Variants in TRPM3 observed in about 807,000 individuals in gnomAD.
TRPM3 encodes the protein long transient receptor potential channel 3.
In TRPM3, 77 loss-of-function variants were observed where a neutral mutation model predicts 181.2. That is an observed-to-expected ratio of 0.42 (90% CI 0.35 to 0.51). The LOEUF is 0.51. Ranked by LOEUF, TRPM3 falls within the 20% of genes least tolerant of loss-of-function variation. The pLI is 0.01. For missense variants in TRPM3, 1,759 were observed against 2,196.7 expected (o/e 0.80, Z 3.98); for synonymous variants, 745 against 796.4 (o/e 0.94, Z 1.09).
In TRPM3 at chr9:71,277,285, C is replaced by G. The variant is rs2084289699; in HGVS notation, c.183+169368G>C. 1.3e-5 allele frequency among the ~76,000 whole-genome samples: 2 copies of G among 152,164 alleles called. 1 individual carries two copies. Among genetic ancestry groups the G allele is most frequent in the East Asian group, 3.8e-4 (2 of 5,202 alleles). On this transcript the variant is annotated intron_variant, in intron 1 of 24. Coordinates refer to the TRPM3 transcript ENST00000357533. Reference sequence around the variant, plus strand: ...ACCACCCTCACGTGCTCAAGCTTGTCTGAAATGGGAATAGTAAATGTATTT... The same window carrying G: ...ACCACCCTCACGTGCTCAAGCTTGTGTGAAATGGGAATAGTAAATGTATTT...
At chr9:70,777,955 ATTAAT>A in intron 7 of TRPM3, among the ~76,000 whole-genome samples, 1 of 150,948 alleles carries the variant, frequency 6.6e-6, no homozygotes, top group South Asian at 2.1e-4. Flanking sequence ...ATCTTATTGG[ATTAAT>A]TTTATTAGTG....
intron 21 of TRPM3, 104 bp downstream of exon 21, chr9:70,598,315 C>A: frequency 6.9e-7 from 1 of 1,457,134 alleles, no homozygotes; most frequent in Non-Finnish European, 9.3e-7. Flanking sequence ...AGGGCCATCT[C>A]ATTTAGACTT....
chr9:70,768,599 CTT>C (rs72538866), intron 7 of TRPM3, among the ~76,000 whole-genome samples: 1 of 148,784 alleles, frequency 6.7e-6, no homozygotes, highest in Non-Finnish European at 1.5e-5. Context: ...ACTATCTTTT[CTT>C]TTTTTTTTTA....
intron 1 of TRPM3, among the ~76,000 whole-genome samples, chr9:70,969,903 ACAGT>A (rs1449382705): frequency 2.6e-5 from 4 of 151,888 alleles, no homozygotes; most frequent in Non-Finnish European, 5.9e-5. Context: ...CCCAGGTCAT[ACAGT>A]CAGTATGTGG....
intron 1 of TRPM3, among the ~76,000 whole-genome samples, chr9:70,883,879 A>G (rs928778463): frequency 5.9e-5 from 9 of 152,198 alleles, no homozygotes; most frequent in African/African-American, 2.2e-4. Flanking sequence ...GGTGGCTTCT[A>G]AGGTAGAGTA....
intron 6 of TRPM3, among the ~76,000 whole-genome samples, chr9:70,796,028 A>G (rs978826002): frequency 6.6e-6 from 1 of 151,834 alleles, no homozygotes; most frequent in African/African-American, 2.4e-5. Context: ...CTACAAGAAA[A>G]CTCTCCCAAA....
At chr9:70,869,104 A>G (rs1465695419) in intron 1 of TRPM3, 10 of 933,248 alleles carry the variant, frequency 1.1e-5, no homozygotes, top group Non-Finnish European at 1.0e-5. Flanking sequence ...CGCCCACTGG[A>G]AAAAAAAAGT....
At chr9:71,362,174 G>T (rs7857907) in intron 1 of TRPM3, among the ~76,000 whole-genome samples, 1 of 152,174 alleles carries the variant, frequency 6.6e-6, no homozygotes, top group Non-Finnish European at 1.5e-5. Flanking sequence ...TTCAGGCAGG[G>T]TTCCCCTATC....
Position 70,531,308 on chromosome 9 carries a change from T to C in TRPM3, c.*4645A>G, listed in dbSNP as rs2040840260. On this transcript the variant is annotated 3_prime_UTR_variant, in exon 26 of 26. Transcript: ENST00000677713. ...AGTGCTTAAAAAAAAGATTTAAAAA[T>C]CCCTTGGTTACTTTTTTTTTGTTTT... The C allele has an allele frequency of 6.6e-6, 1 of 152,174 alleles. No homozygotes were observed. The highest frequency in any genetic ancestry group is 2.1e-4 in the South Asian group (1 of 4,824). The allele number at this position is 152,174 out of a possible 1,614,324, so 9.4% of individuals were successfully genotyped here.
chr9:70,871,561 C>T (rs1031689026), intron 1 of TRPM3, among the ~76,000 whole-genome samples: 5 of 151,942 alleles, frequency 3.3e-5, no homozygotes, highest in African/African-American at 1.2e-4. Context: ...AAAAGGAAGT[C>T]CCAGGTGAGC....
At chr9:70,750,701 T>C (rs796812441) in intron 8 of TRPM3, among the ~76,000 whole-genome samples, 3 of 152,246 alleles carry the variant, frequency 2.0e-5, no homozygotes, top group African/African-American at 7.2e-5. Context: ...ATAGGGGAAC[T>C]GAAGCTTTCA....
At chr9:70,576,303 T>C (rs1315509594) in intron 22 of TRPM3, among the ~76,000 whole-genome samples, 1 of 152,192 alleles carries the variant, frequency 6.6e-6, no homozygotes, top group Non-Finnish European at 1.5e-5. Context: ...GGTGATTCTC[T>C]ATCTTCCTGA....
At chr9:71,003,301 T>C (rs1205352509) in intron 1 of TRPM3, among the ~76,000 whole-genome samples, 7 of 152,118 alleles carry the variant, frequency 4.6e-5, no homozygotes, top group South Asian at 2.1e-4. Context: ...TGGCACTTTA[T>C]TGTGCAAAGT....
chr9:71,173,285 A>G (rs998406682), intron 1 of TRPM3, among the ~76,000 whole-genome samples: 3 of 152,276 alleles, frequency 2.0e-5, no homozygotes, highest in Admixed American at 6.5e-5. Context: ...TTAACAATAT[A>G]TGATTGTAAC....
rs111301173 is a variant in TRPM3 at position 70,619,114 on chromosome 9, G to A, written c.2130-19C>T. ...AAAGTCTCTGAAAGACAGAATGGGT[G>A]GAAGAGTCCTTCAGGTCAGCTTGGA... On this transcript the variant is annotated intron_variant, in intron 16 of 25. Transcript: ENST00000677713. The A allele has an allele frequency of 3.1e-5, 49 of 1,602,504 alleles. No individual in the cohort carries two copies. In the African/African-American group the frequency reaches 5.6e-4, roughly 18 times the overall value.
intron 1 of TRPM3, among the ~76,000 whole-genome samples, chr9:70,963,578 C>T (rs549955038): frequency 1.6e-4 from 24 of 152,084 alleles, no homozygotes; most frequent in Non-Finnish European, 2.5e-4. Flanking sequence ...GATAACACTT[C>T]GAGGTATGCA....
intron 1 of TRPM3, among the ~76,000 whole-genome samples, chr9:71,350,405 C>T (rs1172692716): frequency 6.6e-6 from 1 of 152,158 alleles, no homozygotes; most frequent in African/African-American, 2.4e-5. Context: ...GTTCCAATGA[C>T]AATGCAGATT....
At chr9:71,309,460 TTTAG>T in intron 1 of TRPM3, among the ~76,000 whole-genome samples, 1 of 152,272 alleles carries the variant, frequency 6.6e-6, no homozygotes, top group South Asian at 2.1e-4. Context: ...GTGAAATCAT[TTTAG>T]TTACTTAGTA....
At chr9:70,899,905 G>T (rs2096359151) in intron 1 of TRPM3, among the ~76,000 whole-genome samples, 1 of 152,200 alleles carries the variant, frequency 6.6e-6, no homozygotes, top group African/African-American at 2.4e-5. Context: ...TATACTTGAT[G>T]AGACTGGTCT....
Sources: gnomAD v4.1 joint callset for allele counts (sites outside exome capture counted in the v4.1 genomes callset) on GRCh38, gnomAD v4.1.1 for gene constraint, MANE v1.5 for transcripts, NCBI Gene and HGNC (gene_info 2026-07-23, HGNC 2026-07-21) for gene names.